Variants in ASCC3 observed in about 807,000 individuals in gnomAD.
The protein encoded by ASCC3 is activating signal cointegrator 1 complex subunit 3, also known as ASC-1 complex subunit P200.
ASCC3 carries 158 observed loss-of-function variants against 256.3 expected under a neutral mutation model. That is an observed-to-expected ratio of 0.62 (90% CI 0.54 to 0.70). The LOEUF (loss-of-function observed/expected upper bound fraction) is 0.70. ASCC3 is among the 30% of genes least tolerant of loss of function. The probability of loss-of-function intolerance (pLI) is 0.00; values close to 1 mark genes in which losing one functional copy is unlikely to be tolerated. For missense variants in ASCC3, 2,259 were observed against 2,626.0 expected (o/e 0.86, Z 3.05); for synonymous variants, 948 against 883.4 (o/e 1.07, Z -1.30).
chr6:100,855,386 G>C (rs972449868), intron 3 of ASCC3, among the ~76,000 whole-genome samples: 2 of 152,054 alleles, frequency 1.3e-5, no homozygotes, highest in Admixed American at 1.3e-4. Context: ...CAAAATTCTG[G>C]GATTACAGGC....
rs187627100 is a variant in ASCC3 at position 100,647,198 on chromosome 6, C to T, written c.3478+28G>A. ...CATATTTTATTTGCACAAAACAATA[C>T]ATTCAAACATATTTGCTTCCTTCTT... On this transcript the variant is annotated intron_variant, in intron 21 of 41. Transcript: ENST00000369162. 1.1e-4 allele frequency: 176 copies of T among 1,545,858 alleles called. 1 individual carries two copies. The African/African-American group carries it at 1.3e-3, about 11-fold the overall frequency.
At chr6:100,530,510 G>T in intron 37 of ASCC3, 1 of 787,436 alleles carries the variant, frequency 1.3e-6, no homozygotes, top group South Asian at 1.3e-5. Context: ...CTCAAAATGA[G>T]AATAAAATTG....
At chr6:100,667,447 G>T (rs1776534722) in intron 14 of ASCC3, among the ~76,000 whole-genome samples, 6 of 152,108 alleles carry the variant, frequency 3.9e-5, no homozygotes, top group Admixed American at 3.9e-4. Flanking sequence ...TGGAAAAGGA[G>T]CCAATTCAAG....
intron 30 of ASCC3, among the ~76,000 whole-genome samples, chr6:100,615,629 A>G (rs1407188244): frequency 6.6e-6 from 1 of 152,256 alleles, no homozygotes; most frequent in African/African-American, 2.4e-5. Flanking sequence ...TACTTAGTTT[A>G]GTAAAAGTAA....
intron 8 of ASCC3, among the ~76,000 whole-genome samples, chr6:100,775,282 A>C (rs946642168): frequency 1.3e-5 from 2 of 152,182 alleles, no homozygotes; most frequent in Non-Finnish European, 2.9e-5. Flanking sequence ...TCTGAGAATA[A>C]GAAGGCTTAG....
At chr6:100,830,618 G>A (rs1403518944) in intron 4 of ASCC3, among the ~76,000 whole-genome samples, 1 of 152,160 alleles carries the variant, frequency 6.6e-6, no homozygotes, top group Non-Finnish European at 1.5e-5. Flanking sequence ...TGCTATTGCT[G>A]CAAGTAATAA....
At chr6:100,692,482 G>GA (rs35595834) in intron 13 of ASCC3, among the ~76,000 whole-genome samples, 1 of 151,758 alleles carries the variant, frequency 6.6e-6, no homozygotes, top group Admixed American at 6.6e-5. Context: ...TTAGAAACTT[G>GA]AAAAAAACTT....
chr6:100,732,892 T>A (rs1779974641), intron 10 of ASCC3, among the ~76,000 whole-genome samples: 1 of 152,212 alleles, frequency 6.6e-6, no homozygotes, highest in South Asian at 2.1e-4. Context: ...ATTATACATT[T>A]TCTGTTATTT....
rs187407455 is a variant in ASCC3 at position 100,696,995 on chromosome 6, A to C, written c.2152-17243T>G. The stretch of plus-strand genomic sequence containing the variant: ...ATAATCTAATGCATTCAACTCCTAA[A>C]CCAGAAATATTTGATTTAAATCAGC... On this transcript the variant is annotated intron_variant, in intron 13 of 41. Transcript: ENST00000369162. Among the ~76,000 whole-genome samples the C allele has an allele frequency of 7.9e-5, 12 of 152,232 alleles. No homozygotes were observed. In the East Asian group the frequency reaches 2.1e-3, roughly 27 times the overall value.
intron 38 of ASCC3, 90 bp downstream of exon 38, chr6:100,517,901 C>A: frequency 7.2e-7 from 1 of 1,380,220 alleles, no homozygotes; most frequent in Non-Finnish European, 1.0e-6. Context: ...TCAGTATTCT[C>A]CATAACATAA....
chr6:100,840,105 T>C (rs1000754169), intron 4 of ASCC3, among the ~76,000 whole-genome samples: 1 of 152,112 alleles, frequency 6.6e-6, no homozygotes, highest in African/African-American at 2.4e-5. Context: ...TAGCAGACAA[T>C]GTGGAAGTGA....
chr6:100,635,731 G>A (rs1006787549), intron 25 of ASCC3, among the ~76,000 whole-genome samples: 1 of 151,730 alleles, frequency 6.6e-6, no homozygotes, highest in African/African-American at 2.4e-5. Flanking sequence ...TATATACTAG[G>A]AAAGAGTTAA....
At chr6:100,581,152 G>A (rs979399067) in intron 36 of ASCC3, among the ~76,000 whole-genome samples, 48 of 152,208 alleles carry the variant, frequency 3.2e-4, no homozygotes, top group African/African-American at 9.4e-4. Context: ...CTGAGGAATC[G>A]CCACACTGAC....
chr6:100,742,382 T>C (rs1780477121), intron 10 of ASCC3, among the ~76,000 whole-genome samples: 1 of 152,216 alleles, frequency 6.6e-6, no homozygotes, highest in Non-Finnish European at 1.5e-5. Flanking sequence ...ACATTCTGGC[T>C]GCTTTTTGGT....
intron 37 of ASCC3, among the ~76,000 whole-genome samples, chr6:100,530,123 A>G (rs1429281413): frequency 2.0e-5 from 3 of 152,194 alleles, no homozygotes; most frequent in Non-Finnish European, 2.9e-5. Context: ...AATCTTTCTA[A>G]TCAGTGTACA....
intron 36 of ASCC3, among the ~76,000 whole-genome samples, chr6:100,552,847 T>A (rs911548440): frequency 2.0e-5 from 3 of 151,958 alleles, no homozygotes; most frequent in African/African-American, 7.2e-5. Flanking sequence ...TATTATATAT[T>A]TTAGATTATT....
chr6:100,858,836 C>G (rs1192130400), intron 3 of ASCC3: 3 of 553,858 alleles, frequency 5.4e-6, no homozygotes, highest in Non-Finnish European at 8.4e-6. Context: ...ATTCAGATTT[C>G]TCCAACGGCC....
intron 36 of ASCC3, among the ~76,000 whole-genome samples, chr6:100,577,807 T>C (rs1346669282): frequency 6.6e-6 from 1 of 152,002 alleles, no homozygotes; most frequent in Non-Finnish European, 1.5e-5. Flanking sequence ...TTCATTCTTC[T>C]GTATCTTGCC....
Position 100,805,918 on chromosome 6 carries a change from C to T in ASCC3, c.802-38G>A, listed in dbSNP as rs776763070. ...GAAAAAAGTAACAAACATCAGTTAT[C>T]TCAAAGTTTAACTTTTTCAAGTTAT... On this transcript the variant is annotated intron_variant, in intron 4 of 41. Transcript: ENST00000369162. The T allele has an allele frequency of 2.5e-6, 4 of 1,596,736 alleles. No individual in the cohort carries two copies. The Admixed American group carries it at 6.7e-5, about 27-fold the overall frequency.
Sources: allele counts gnomAD v4.1 joint callset (sites outside exome capture counted in the v4.1 genomes callset), GRCh38; gene constraint gnomAD v4.1.1; transcripts MANE v1.5; gene names NCBI Gene and HGNC (gene_info 2026-07-23, HGNC 2026-07-21).